Variants in RAB10 observed in about 807,000 individuals in gnomAD.
RAB10 encodes the protein RAB10, member RAS oncogene family.
A neutral mutation model predicts 25.7 loss-of-function variants in RAB10; 5 were observed. That is an observed-to-expected ratio of 0.19 (90% confidence interval 0.10 to 0.41). RAB10 has a LOEUF of 0.41. Ranked by LOEUF, RAB10 falls within the 10% of genes least tolerant of loss-of-function variation. The probability of loss-of-function intolerance (pLI) is 1.00; values close to 1 mark genes in which losing one functional copy is unlikely to be tolerated. For synonymous variants in RAB10, 89 were observed against 86.4 expected, an observed-to-expected ratio of 1.03 and a Z score of -0.16; for missense variants, 103 against 245.8, an observed-to-expected ratio of 0.42 and a Z score of 3.89.
At chr2:26,033,720 G>A (rs1212572995), upstream of RAB10, among the ~76,000 whole-genome samples, 2 of 151,956 alleles carry the variant, frequency 1.3e-5, no homozygotes, top group African/African-American at 2.4e-5. Flanking sequence ...AGTCCAGCGG[G>A]AGACCCCGGG....
chr2:26,078,190 A>AC (rs2149272697), intron 1 of RAB10, among the ~76,000 whole-genome samples: 1 of 152,290 alleles, frequency 6.6e-6, no homozygotes, highest in South Asian at 2.1e-4. Context: ...GATCTAAGTA[A>AC]ATGGAAGGGC....
rs1267102893 is a variant in RAB10, at chr2:26,109,876, C to T, written c.297C>T (p.Asn99=). The part of the protein sequence containing the change: ...YDITNGKSFE[N]ISKWLRNIDE... Reference sequence around the variant, plus strand: ...TCACCAATGGTAAAAGTTTTGAAAACATCAGCAAATGGCTTAGAAACATAG... The same window carrying T: ...TCACCAATGGTAAAAGTTTTGAAAATATCAGCAAATGGCTTAGAAACATAG... Residue 99 remains asparagine, a synonymous_variant, in exon 3 of 6, where the codon AAC becomes AAT. Coordinates refer to ENST00000264710, the MANE Select transcript of RAB10 (RefSeq NM_016131.5). 6.2e-7 allele frequency: 1 copy of T among 1,609,574 alleles called. No individual in the cohort carries two copies. Among genetic ancestry groups the T allele is most frequent in the Non-Finnish European group, 8.5e-7 (1 of 1,178,256 alleles).
At chr2:26,066,922 A>G (rs1037299513) in intron 1 of RAB10, among the ~76,000 whole-genome samples, 5 of 151,770 alleles carry the variant, frequency 3.3e-5, no homozygotes, top group African/African-American at 1.2e-4. Context: ...AGCTGGGACT[A>G]CAGGCACATG....
intron 1 of RAB10, among the ~76,000 whole-genome samples, chr2:26,056,965 A>G (rs1666280078): frequency 6.6e-6 from 1 of 152,198 alleles, no homozygotes; most frequent in Non-Finnish European, 1.5e-5. Context: ...CTGATCTGAC[A>G]ATAAGCTTGT....
At chr2:26,068,513 A>G (rs540858686) in intron 1 of RAB10, among the ~76,000 whole-genome samples, 2 of 152,236 alleles carry the variant, frequency 1.3e-5, no homozygotes, top group Non-Finnish European at 2.9e-5. Context: ...ATTATATGTG[A>G]AAATACCTGT....
chr2:26,130,948 C>T (rs1221596440), intron 5 of RAB10, among the ~76,000 whole-genome samples: 1 of 151,574 alleles, frequency 6.6e-6, no homozygotes, highest in Non-Finnish European at 1.5e-5. Context: ...TGTGTCCTTT[C>T]TCTTTCTGGG....
intron 5 of RAB10, among the ~76,000 whole-genome samples, chr2:26,131,229 G>A (rs555473720): frequency 2.0e-5 from 3 of 151,972 alleles, no homozygotes; most frequent in South Asian, 4.2e-4. Flanking sequence ...GAATTGTCTT[G>A]GACCACATAT....
At chr2:26,048,151 T>G (rs1387940813) in intron 1 of RAB10, among the ~76,000 whole-genome samples, 3 of 152,064 alleles carry the variant, frequency 2.0e-5, no homozygotes, top group Admixed American at 6.6e-5. Context: ...TTAGCTAATA[T>G]GAATAAAGCT....
At chr2:26,102,836 G>A (rs6704930) in intron 2 of RAB10, among the ~76,000 whole-genome samples, 116,605 of 152,112 alleles carry the variant, frequency 0.77, 44,746 homozygotes, top group East Asian at 0.87. Context: ...GCAAAGCCAG[G>A]GTTTTCCTTG....
intron 1 of RAB10, among the ~76,000 whole-genome samples, chr2:26,039,549 A>T (rs1665838862): frequency 6.6e-6 from 1 of 151,668 alleles, no homozygotes; most frequent in South Asian, 2.1e-4. Context: ...CGGTTTTGCC[A>T]TGTTGGCCAG....
In RAB10 at chr2:26,094,916, G is replaced by A. The variant is rs557149190; in HGVS notation, c.128-3746G>A. On this transcript the variant is annotated intron_variant, in intron 1 of 5. Transcript: ENST00000264710. ...ATTGCATTTGAAAATTTGGGGGTTC[G>A]GTTGTCTTTGTTAACTTACTCAAAA... is the stretch of plus-strand genomic sequence containing the variant. Among the ~76,000 whole-genome samples, 29 of 152,226 alleles carry A rather than the reference G, an allele frequency of 1.9e-4. 1 individual carries two copies. The highest frequency in any genetic ancestry group is 1.8e-3 in the Admixed American group (27 of 15,294).
intron 1 of RAB10, among the ~76,000 whole-genome samples, chr2:26,091,721 A>T (rs1667110200): frequency 6.6e-6 from 1 of 152,136 alleles, no homozygotes; most frequent in African/African-American, 2.4e-5. Flanking sequence ...AAACTAGGGA[A>T]TGCGTCAAGA....
At chr2:26,060,409 C>T (rs1158632678) in intron 1 of RAB10, among the ~76,000 whole-genome samples, 1 of 152,156 alleles carries the variant, frequency 6.6e-6, no homozygotes, top group Non-Finnish European at 1.5e-5. Flanking sequence ...TCTCCTGCCT[C>T]AGCCTCCCGA....
At chr2:26,070,294 T>A (rs1666597664) in intron 1 of RAB10, among the ~76,000 whole-genome samples, 1 of 152,164 alleles carries the variant, frequency 6.6e-6, no homozygotes, top group Non-Finnish European at 1.5e-5. Context: ...AAGGAAATGG[T>A]GGGAAAAGAC....
In RAB10 at chr2:26,034,135, C is replaced by T; in HGVS notation, c.-474C>T. 2 of 405,050 alleles carry T rather than the reference C, an allele frequency of 4.9e-6. No individual in the cohort carries two copies. The highest frequency in any genetic ancestry group is 4.4e-6 in the Non-Finnish European group (1 of 229,194). The allele number at this position is 405,050 out of a possible 1,614,324, so 25.1% of individuals were successfully genotyped here. On this transcript the variant is annotated 5_prime_UTR_variant, in exon 1 of 6. Coordinates refer to ENST00000264710, the MANE Select transcript of RAB10 (RefSeq NM_016131.5). ...GAGAGGGCACGGGGAAAAGGTGGCT[C>T]TGGCCGGGGTGGCTCGGTTTCCTGG...
chr2:26,107,210 C>T (rs1276846326), intron 2 of RAB10, among the ~76,000 whole-genome samples: 1 of 139,078 alleles, frequency 7.2e-6, no homozygotes, highest in African/African-American at 2.7e-5. Context: ...CGTGCCACTA[C>T]ACTCCAGCCT....
At chr2:26,086,880 A>G (rs1186658536) in intron 1 of RAB10, among the ~76,000 whole-genome samples, 1 of 152,226 alleles carries the variant, frequency 6.6e-6, no homozygotes, top group African/African-American at 2.4e-5. Flanking sequence ...AAAAGCTAAC[A>G]TGTTGTTTGC....
intron 1 of RAB10, among the ~76,000 whole-genome samples, chr2:26,036,846 G>C (rs1478609043): frequency 6.6e-6 from 1 of 151,898 alleles, no homozygotes; most frequent in African/African-American, 2.4e-5. Flanking sequence ...CTGGAGTGCA[G>C]TGGCGTGATC....
chr2:26,116,548 GTTTTTTT>G (rs70950170), intron 3 of RAB10, among the ~76,000 whole-genome samples: 40 of 62,636 alleles, frequency 6.4e-4, no homozygotes, highest in African/African-American at 2.3e-3. Context: ...TCTGTCTTGT[GTTTTTTT>G]TTTTTTTTTT....
Sources: allele counts gnomAD v4.1 joint callset (sites outside exome capture counted in the v4.1 genomes callset), GRCh38; gene constraint gnomAD v4.1.1; transcripts MANE v1.5; gene names NCBI Gene and HGNC (gene_info 2026-07-23, HGNC 2026-07-21).